Variants in MIDEAS observed in about 807,000 individuals in gnomAD.
The protein encoded by MIDEAS is mitotic deacetylase-associated SANT domain protein.
Under a neutral mutation model 102.7 loss-of-function variants are expected in MIDEAS, and 26 were observed. The ratio of observed to expected loss-of-function variants is 0.25; its 90% CI spans 0.19 to 0.35. The LOEUF (loss-of-function observed/expected upper bound fraction) is 0.35, where lower values mean the gene tolerates loss of function less well. MIDEAS is among the 10% of genes least tolerant of loss of function. MIDEAS has a pLI of 1.00. For synonymous variants in MIDEAS, 585 were observed against 591.0 expected (o/e 0.99, Z 0.15); for missense variants, 1,231 against 1,435.6 (o/e 0.86, Z 2.30).
Position 73,739,510 on chromosome 14 carries a change from G to A in MIDEAS, c.499C>T (p.Arg167Trp), listed in dbSNP as rs1320021427. Residue 167 changes from arginine to tryptophan, a missense_variant, in exon 2 of 13, where the codon CGG (arginine) becomes TGG (tryptophan). This residue lies in a region of MIDEAS where 758 missense variants were observed against 856.0 expected (regional missense o/e 0.89). Coordinates refer to ENST00000423556, the MANE Select transcript of MIDEAS (RefSeq NM_001367710.1). ...AGCTGTGGGCCCCCCGCTTTCTCCC[G>A]CTTCAGTGCCTCAGGGTGGTTATAG... ...TYYNHPEALK[R>W]EKAGGPQLDR... is the part of the protein sequence containing the mutation. 8.1e-6 allele frequency: 13 copies of A among 1,613,780 alleles called. No individual in the cohort carries two copies. Among genetic ancestry groups the A allele is most frequent in the Non-Finnish European group, 1.0e-5 (12 of 1,179,802 alleles).
At chr14:73,732,208 G>A (rs1358417536) in intron 3 of MIDEAS, among the ~76,000 whole-genome samples, 3 of 152,104 alleles carry the variant, frequency 2.0e-5, no homozygotes, top group Non-Finnish European at 2.9e-5. Context: ...AGACTGTGAC[G>A]CTCCCCTGCC....
At chr14:73,784,884 G>C (rs933677650) in intron 1 of MIDEAS, among the ~76,000 whole-genome samples, 3 of 152,212 alleles carry the variant, frequency 2.0e-5, no homozygotes, top group African/African-American at 7.2e-5. Context: ...ACAGGTACCT[G>C]CCAGGGACTG....
chr14:73,784,496 C>A (rs1372940928), intron 1 of MIDEAS, among the ~76,000 whole-genome samples: 7 of 152,226 alleles, frequency 4.6e-5, no homozygotes, highest in African/African-American at 1.7e-4. Context: ...CCTCCACTCT[C>A]CCAGCTACAC....
Position 73,726,976 on chromosome 14 carries a change from G to C in MIDEAS, c.2163-4C>G. The C allele has an allele frequency of 6.3e-7, 1 of 1,591,280 alleles. No individual in the cohort carries two copies. Among genetic ancestry groups the C allele is most frequent in the East Asian group, 2.3e-5 (1 of 44,366 alleles). ...CCGGGAGCCCACGTTGATCCGTCTA[G>C]AGGAGTGAAAAGGGCAGGAAGTGAG... On this transcript the variant is annotated splice_polypyrimidine_tract_variant and splice_region_variant and intron_variant, in intron 5 of 12. Transcript: ENST00000423556.
chr14:73,752,300 T>G (rs540520998), intron 1 of MIDEAS, among the ~76,000 whole-genome samples: 2 of 152,200 alleles, frequency 1.3e-5, no homozygotes, highest in East Asian at 3.9e-4. Context: ...AGTGACGGCC[T>G]CCCAGGTAGA....
chr14:73,718,697 T>G lies in MIDEAS; in HGVS notation c.*146A>C. 3 of 812,062 alleles carry G rather than the reference T, an allele frequency of 3.7e-6. No homozygotes were observed. The highest frequency in any genetic ancestry group is 5.1e-6 in the Non-Finnish European group (3 of 584,902). The allele number at this position is 812,062 out of a possible 1,614,324, so 50.3% of individuals were successfully genotyped here. ...AGGGCCTTCATAAATAAAAGAGCCG[T>G]TTATGTCATTGTCTCATTTGTTTCG... On this transcript the variant is annotated 3_prime_UTR_variant, in exon 13 of 13. Coordinates refer to ENST00000423556, the MANE Select transcript of MIDEAS (RefSeq NM_001367710.1).
chr14:73,776,003 G>A (rs775051807), intron 1 of MIDEAS, among the ~76,000 whole-genome samples: 26 of 151,920 alleles, frequency 1.7e-4, no homozygotes, highest in African/African-American at 5.6e-4. Context: ...GACACCAGGC[G>A]CCTCAACTGT....
chr14:73,733,855 C>T (rs999492931), intron 3 of MIDEAS, among the ~76,000 whole-genome samples: 5 of 151,898 alleles, frequency 3.3e-5, no homozygotes, highest in Admixed American at 6.6e-5. Context: ...CCATCATGCC[C>T]GGCTAATTTT....
At chr14:73,754,595 C>T (rs190673920) in intron 1 of MIDEAS, among the ~76,000 whole-genome samples, 151 of 152,308 alleles carry the variant, frequency 9.9e-4, no homozygotes, top group African/African-American at 3.4e-3. Context: ...CACCACCTCT[C>T]GGCTTCCCCA....
intron 11 of MIDEAS, among the ~76,000 whole-genome samples, chr14:73,720,839 T>G (rs1220270750): frequency 6.6e-6 from 1 of 152,174 alleles, no homozygotes; most frequent in East Asian, 1.9e-4. Flanking sequence ...TTTGCAGAGA[T>G]CATGCCTGAG....
intron 1 of MIDEAS, among the ~76,000 whole-genome samples, chr14:73,747,211 A>C (rs1236795602): frequency 6.6e-6 from 1 of 152,164 alleles, no homozygotes; most frequent in African/African-American, 2.4e-5. Flanking sequence ...TCCTGCACAG[A>C]GCCTGGGAGC....
upstream of MIDEAS, among the ~76,000 whole-genome samples, chr14:73,763,581 T>G (rs1012298823): frequency 4.6e-5 from 7 of 152,156 alleles, no homozygotes; most frequent in Non-Finnish European, 1.0e-4. Flanking sequence ...GCACACGTGG[T>G]GTGTTTAAGT....
In MIDEAS at chr14:73,738,612, A is replaced by C; in HGVS notation, c.1397T>G (p.Leu466Trp). 1.2e-6 allele frequency: 2 copies of C among 1,610,214 alleles called. No homozygotes were observed. Among genetic ancestry groups the C allele is most frequent in the Non-Finnish European group, 1.7e-6 (2 of 1,177,942 alleles). The change falls in exon 2 of 13, where the codon TTG (leucine) becomes TGG (tryptophan). Residue 466 changes from leucine (L) to tryptophan (W), a missense_variant. Leu to Trp is a moderately conservative substitution (Grantham distance 61). Transcript: ENST00000423556. Reference sequence around the variant, plus strand: ...CACAGCCTTCTGGGCCAGGGTCAGCAAATTGGCCTCCTGGGATGCCCGGCG... The same window carrying C: ...CACAGCCTTCTGGGCCAGGGTCAGCCAATTGGCCTCCTGGGATGCCCGGCG... ...RRRRASQEAN[L>W]LTLAQKAVEL...
At chr14:73,768,913 A>G (rs1369624791) in intron 1 of MIDEAS, among the ~76,000 whole-genome samples, 1 of 152,202 alleles carries the variant, frequency 6.6e-6, no homozygotes, top group African/African-American at 2.4e-5. Flanking sequence ...AGGGTTGCTT[A>G]GGTGGGATAG....
rs758096816 is a variant in MIDEAS, at chr14:73,739,247, T to C, written c.762A>G (p.Pro254=). The change falls in exon 2 of 13, where the codon CCA becomes CCG. Residue 254 remains proline (P), a synonymous_variant. Transcript: ENST00000423556. The part of the protein sequence containing the change: ...PPQKQQQQQQ[P]QQQQQQQQAA... ...CCTGCTGCTGCTGCTGCTGCTGCTG[T>C]GGTTGCTGCTGCTGCTGCTGCTTCT... The C allele has an allele frequency of 1.2e-6, 2 of 1,611,382 alleles. No individual in the cohort carries two copies. The highest frequency in any genetic ancestry group is 2.2e-5 in the East Asian group (1 of 44,812).
At chr14:73,788,750 T>C (rs914654721), upstream of MIDEAS, among the ~76,000 whole-genome samples, 1 of 152,230 alleles carries the variant, frequency 6.6e-6, no homozygotes, top group African/African-American at 2.4e-5. Flanking sequence ...ATTGCCCATT[T>C]CAATTTTGGA....
chr14:73,788,380 C>T (rs1282961331), upstream of MIDEAS, among the ~76,000 whole-genome samples: 1 of 152,072 alleles, frequency 6.6e-6, no homozygotes, highest in Non-Finnish European at 1.5e-5. Context: ...TATGAAAACA[C>T]AGGAAACCAT....
Position 73,715,819 on chromosome 14 carries a change from A to G in MIDEAS, c.*3024T>C, listed in dbSNP as rs2052877903. 3 of 152,624 alleles carry G rather than the reference A, an allele frequency of 2.0e-5. No homozygotes were observed. The highest frequency in any genetic ancestry group is 6.5e-5 in the Admixed American group (1 of 15,284). The allele number at this position is 152,624 out of a possible 1,614,324, so 9.5% of individuals were successfully genotyped here. Reference sequence around the variant, plus strand: ...TTAAATATAGGTGATCCCTTTAGACATAAGCAGCAGAAGACCTTGGTGCCA... The same window carrying G: ...TTAAATATAGGTGATCCCTTTAGACGTAAGCAGCAGAAGACCTTGGTGCCA... On this transcript the variant is annotated 3_prime_UTR_variant, in exon 13 of 13. Transcript: ENST00000423556.
At chr14:73,720,895 G>C (rs1415165798) in intron 11 of MIDEAS, among the ~76,000 whole-genome samples, 3 of 152,202 alleles carry the variant, frequency 2.0e-5, no homozygotes, top group South Asian at 2.1e-4. Flanking sequence ...TCTCATTCTT[G>C]TCAGGGACTC....
Sources: allele counts gnomAD v4.1 joint callset (sites outside exome capture counted in the v4.1 genomes callset), GRCh38; gene constraint gnomAD v4.1.1; regional missense constraint gnomAD v4.1.1; transcripts MANE v1.5; gene names NCBI Gene and HGNC (gene_info 2026-07-23, HGNC 2026-07-21).